The following DENND4C variants were observed in gnomAD, a reference collection of about 807,000 sequenced individuals.
DENND4C encodes DENN domain containing 4C, also known as DENN domain-containing protein 4C.
In DENND4C, 108 loss-of-function variants were observed where a neutral mutation model predicts 203.0. The observed-to-expected ratio is 0.53, with a 90% CI of 0.46 to 0.62. DENND4C has a LOEUF of 0.62. Among genes scored for constraint, DENND4C ranks in the 20% least tolerant of loss-of-function variants. DENND4C has a pLI of 0.00. For missense variants in DENND4C, 2,481 were observed against 2,301.2 expected (o/e 1.08, Z -1.60); for synonymous variants, 871 against 792.4 (o/e 1.10, Z -1.67).
At chr9:19,316,573 T>A in intron 11 of DENND4C, 48 bp from the exon 12 acceptor site, 1 of 1,603,122 alleles carries the variant, frequency 6.2e-7, no homozygotes, top group South Asian at 1.1e-5. Context: ...AGAAAATTCT[T>A]CTTAAATTTA....
intron 1 of DENND4C, among the ~76,000 whole-genome samples, chr9:19,237,789 C>T (rs1461591930): frequency 6.6e-6 from 1 of 152,030 alleles, no homozygotes; most frequent in Non-Finnish European, 1.5e-5. Flanking sequence ...ATAATATAAA[C>T]CAAATATGTA....
At chr9:19,286,465 C>G (rs912512724) in intron 2 of DENND4C, among the ~76,000 whole-genome samples, 1 of 152,080 alleles carries the variant, frequency 6.6e-6, no homozygotes, top group Non-Finnish European at 1.5e-5. Context: ...GGTGTTGCCC[C>G]TTTCTTTTTT....
intron 20 of DENND4C, among the ~76,000 whole-genome samples, chr9:19,339,847 T>G (rs918533206): frequency 1.6e-4 from 24 of 152,214 alleles, no homozygotes; most frequent in Non-Finnish European, 4.4e-5. Context: ...TAGATAATTC[T>G]CCATTCTCTA....
chr9:19,367,095 G>T (rs1051760183), intron 30 of DENND4C, among the ~76,000 whole-genome samples: 1 of 152,172 alleles, frequency 6.6e-6, no homozygotes, highest in African/African-American at 2.4e-5. Context: ...CATGAAAAAT[G>T]CTCAACAGCA....
rs1185098111 is a variant in DENND4C, at chr9:19,336,283, G to A, written c.2603G>A (p.Ser868Asn). 1 of 1,613,036 alleles carries A rather than the reference G, an allele frequency of 6.2e-7. No homozygotes were observed. The highest frequency in any genetic ancestry group is 8.5e-7 in the Non-Finnish European group (1 of 1,179,698). ...YGYYNKVVLE[S>N]PWPSSTRSGI... ...TTTTACCTTTAGGTAGTCTTGGAGA[G>A]CCCGTGGCCTAGCAGTACCCGCAGT... The change falls in exon 19 of 33, where the codon AGC becomes AAC. Residue 868 changes from serine (S) to asparagine (N), a missense_variant. By Grantham distance (46) the Ser-to-Asn change is conservative (BLOSUM62 1). Transcript: ENST00000434457.
chr9:19,259,832 G>T (rs1828925344), intron 1 of DENND4C, among the ~76,000 whole-genome samples: 1 of 152,092 alleles, frequency 6.6e-6, no homozygotes, highest in Non-Finnish European at 1.5e-5. Context: ...TTATCCATTT[G>T]TCTGTTGTTG....
Position 19,328,166 on chromosome 9 carries a change from A to T in DENND4C, c.2253+4A>T, listed in dbSNP as rs1484901991. Reference sequence around the variant, plus strand: ...CATGGCTAAGAGAACTAAACAGGTCAGATATTCTTTATCTAATACATGTTC... The same window carrying T: ...CATGGCTAAGAGAACTAAACAGGTCTGATATTCTTTATCTAATACATGTTC... On this transcript the variant is annotated splice_donor_region_variant and intron_variant, in intron 16 of 32. Transcript: ENST00000434457. 1.2e-6 allele frequency: 2 copies of T among 1,600,686 alleles called. No individual in the cohort carries two copies. Among genetic ancestry groups the T allele is most frequent in the Non-Finnish European group, 1.7e-6 (2 of 1,176,294 alleles).
At chr9:19,245,762 G>A (rs764650550) in intron 1 of DENND4C, among the ~76,000 whole-genome samples, 4 of 151,686 alleles carry the variant, frequency 2.6e-5, no homozygotes, top group Non-Finnish European at 5.9e-5. Context: ...AGGCTGAGGC[G>A]GGAGAATCGC....
At chr9:19,353,096 A>G (rs1299408583) in intron 26 of DENND4C, among the ~76,000 whole-genome samples, 2 of 152,164 alleles carry the variant, frequency 1.3e-5, no homozygotes, top group Admixed American at 1.3e-4. Context: ...ATATTTTAGA[A>G]GAAACAAAGG....
At chr9:19,261,451 T>TG (rs1491186836) in intron 1 of DENND4C, among the ~76,000 whole-genome samples, 1 of 8,586 alleles carries the variant, frequency 1.2e-4, no homozygotes, top group Non-Finnish European at 3.6e-4. Context: ...TAGTATGGAC[T>TG]TTTTTTTTTT....
chr9:19,251,989 C>G (rs912679371), intron 1 of DENND4C, among the ~76,000 whole-genome samples: 2 of 152,218 alleles, frequency 1.3e-5, no homozygotes, highest in Non-Finnish European at 2.9e-5. Context: ...GTCGCTTCCA[C>G]ATTTTCGGAT....
rs549120317 is a variant in DENND4C at position 19,280,077 on chromosome 9, T to G, written c.305+3598T>G. ...GATGTTAACAGCATAGGTGACTGGATTAGCTTTTATTTGAAGGGGCCGGCC... is the reference window on the plus strand; with the variant it reads ...GATGTTAACAGCATAGGTGACTGGAGTAGCTTTTATTTGAAGGGGCCGGCC... On this transcript the variant is annotated intron_variant, in intron 2 of 32. Transcript: ENST00000434457. 3.3e-5 allele frequency among the ~76,000 whole-genome samples: 5 copies of G among 152,212 alleles called. No individual in the cohort carries two copies. The South Asian group carries it at 8.3e-4, about 25-fold the overall frequency.
intron 1 of DENND4C, among the ~76,000 whole-genome samples, chr9:19,262,196 T>C (rs58062121): frequency 0.056 from 8,181 of 146,680 alleles, 370 homozygotes; most frequent in African/African-American, 0.12. Context: ...AGGGGATTCT[T>C]CGACCTCAGC....
In DENND4C at chr9:19,346,970, A is replaced by T. The variant is rs1563828297; in HGVS notation, c.4201A>T (p.Asn1401Tyr). The T allele has an allele frequency of 6.2e-7, 1 of 1,614,192 alleles. No homozygotes were observed. Residue 1401 changes from asparagine (N) to tyrosine (Y), a missense_variant, in exon 23 of 33, where the codon AAT (asparagine) becomes TAT (tyrosine). This residue lies in a region of DENND4C where 2,289 missense variants were observed against 2,113.3 expected (regional missense o/e 1.08). Coordinates refer to ENST00000434457, the MANE Select transcript of DENND4C (RefSeq NM_001330640.2). ...TTCTTTGTCAGGGCTAAAGCTGGATAATATACTCTCAGGGCCCAAGATAGA... is the reference window on the plus strand; with the variant it reads ...TTCTTTGTCAGGGCTAAAGCTGGATTATATACTCTCAGGGCCCAAGATAGA... ...VNSLSGLKLD[N>Y]ILSGPKIDVL...
chr9:19,245,059 C>T (rs1824808842), intron 1 of DENND4C, among the ~76,000 whole-genome samples: 1 of 152,208 alleles, frequency 6.6e-6, no homozygotes, highest in Non-Finnish European at 1.5e-5. Flanking sequence ...CATAATCACA[C>T]CCTAGACTAG....
intron 29 of DENND4C, 104 bp from the exon 30 acceptor site, chr9:19,361,742 C>A: frequency 1.7e-6 from 1 of 587,262 alleles, no homozygotes; most frequent in Non-Finnish European, 2.9e-6. Flanking sequence ...ATTTTAGGTC[C>A]AGAATTTTAA....
chr9:19,245,800 G>A (rs1489067682), intron 1 of DENND4C, among the ~76,000 whole-genome samples: 1 of 150,428 alleles, frequency 6.6e-6, no homozygotes, highest in Non-Finnish European at 1.5e-5. Context: ...AGGTTGCGGT[G>A]AGCAGAGATC....
rs1018032823 is a variant in DENND4C at position 19,373,774 on chromosome 9, G to T, written c.*1601G>T. 2.0e-5 allele frequency among the ~76,000 whole-genome samples: 3 copies of T among 152,138 alleles called. No homozygotes were observed. The highest frequency in any genetic ancestry group is 4.4e-5 in the Non-Finnish European group (3 of 67,908). On this transcript the variant is annotated 3_prime_UTR_variant, in exon 33 of 33. Coordinates refer to ENST00000434457, the MANE Select transcript of DENND4C (RefSeq NM_001330640.2). ...AGTAATTATGCAGATGACTAAATGAGTTGACACAGTAAAATTACTTCCATA... is the reference window on the plus strand; with the variant it reads ...AGTAATTATGCAGATGACTAAATGATTTGACACAGTAAAATTACTTCCATA...
At chr9:19,363,248 C>T (rs1335886771) in intron 30 of DENND4C, among the ~76,000 whole-genome samples, 2 of 152,186 alleles carry the variant, frequency 1.3e-5, no homozygotes, top group Non-Finnish European at 2.9e-5. Flanking sequence ...GGCGCAGTGG[C>T]TCATGCCTGT....
Sources: gnomAD v4.1 joint callset for allele counts (sites outside exome capture counted in the v4.1 genomes callset) on GRCh38, gnomAD v4.1.1 for gene constraint, gnomAD v4.1.1 regional missense constraint, MANE v1.5 for transcripts, NCBI Gene and HGNC (gene_info 2026-07-23, HGNC 2026-07-21) for gene names.